Variants in CYTH1 observed in about 807,000 individuals in gnomAD.
The protein encoded by CYTH1 is cytohesin 1, also known as cytohesin-1.
CYTH1 carries 18 observed loss-of-function variants against 61.8 expected under a neutral mutation model. The observed-to-expected ratio is 0.29, with a 90% CI of 0.20 to 0.43. The LOEUF is 0.43. CYTH1 is among the 20% of genes least tolerant of loss of function. CYTH1 has a pLI of 1.00. For synonymous variants in CYTH1, 174 were observed against 184.3 expected (o/e 0.94, Z 0.45); for missense variants, 336 against 510.5 (o/e 0.66, Z 3.29).
chr17:78,733,992 G>A (rs1296421185), intron 1 of CYTH1, among the ~76,000 whole-genome samples: 1 of 152,214 alleles, frequency 6.6e-6, no homozygotes. Flanking sequence ...GTTCACGCCT[G>A]TAATCCCAGC....
chr17:78,688,762 C>T (rs780518120), intron 11 of CYTH1, among the ~76,000 whole-genome samples: 8 of 152,168 alleles, frequency 5.3e-5, no homozygotes, highest in South Asian at 2.1e-4. Flanking sequence ...GGTCTCCATG[C>T]GGTGAGGCAG....
At chr17:78,701,133 C>T (rs1050677452) in intron 6 of CYTH1, among the ~76,000 whole-genome samples, 20 of 152,096 alleles carry the variant, frequency 1.3e-4, no homozygotes, top group Admixed American at 1.0e-3. Flanking sequence ...CATTAACAAT[C>T]GATCCCTTTA....
intron 10 of CYTH1, 37 bp from the exon 11 acceptor site, chr17:78,692,530 C>A: frequency 6.2e-7 from 1 of 1,605,270 alleles, no homozygotes; most frequent in East Asian, 2.2e-5. Flanking sequence ...CGACAAGAGA[C>A]AACCAGACAA....
intron 1 of CYTH1, among the ~76,000 whole-genome samples, chr17:78,734,432 C>CTTTTTTT (rs10557033): frequency 1.6e-5 from 1 of 62,720 alleles, no homozygotes; most frequent in Non-Finnish European, 2.8e-5. Context: ...TAAAAAAAAG[C>CTTTTTTT]TTTTTTTTTT....
intron 13 of CYTH1, among the ~76,000 whole-genome samples, chr17:78,678,689 C>T (rs769346825): frequency 7.2e-5 from 11 of 152,304 alleles, no homozygotes; most frequent in Non-Finnish European, 1.0e-4. Flanking sequence ...CGTGGCACCG[C>T]GTCTGCTCAA....
chr17:78,752,368 T>C (rs1007424253), intron 1 of CYTH1, among the ~76,000 whole-genome samples: 9 of 152,206 alleles, frequency 5.9e-5, no homozygotes, highest in African/African-American at 2.2e-4. Context: ...GTAAAATCTC[T>C]ACTATCAATA....
At chr17:78,705,893 A>G (rs750658296) in intron 3 of CYTH1, among the ~76,000 whole-genome samples, 1 of 152,130 alleles carries the variant, frequency 6.6e-6, no homozygotes, top group Non-Finnish European at 1.5e-5. Context: ...TTGCTGTTCT[A>G]TGGTAACTGA....
chr17:78,694,984 C>T (rs555906946), intron 10 of CYTH1, among the ~76,000 whole-genome samples: 49 of 152,286 alleles, frequency 3.2e-4, no homozygotes, highest in African/African-American at 1.1e-3. Context: ...TCCCACTGCA[C>T]GGCTCCTCAG....
At position 78,755,491 on chromosome 17, in the gene CYTH1, T is replaced by TAAAAAAAAA. The variant is rs3073742; in HGVS notation, c.22+26702_22+26710dup. 3.1e-5 allele frequency among the ~76,000 whole-genome samples: 4 copies of TAAAAAAAAA among 129,844 alleles called. 1 individual carries two copies. The highest frequency in any genetic ancestry group is 4.7e-5 in the Non-Finnish European group (3 of 64,004). 85.2% of individuals were successfully genotyped at this position (129,844 alleles called of 152,430 possible). On this transcript the variant is annotated intron_variant, in intron 1 of 13. Coordinates refer to ENST00000446868, the MANE Select transcript of CYTH1 (RefSeq NM_004762.6). ...GTATGATGTTGGCAGTGGGTTTATT[T>TAAAAAAAAA]AAAAAAAAAAAAAAGGAAAGAAAGC...
At chr17:78,678,988 T>C (rs2092729998) in intron 13 of CYTH1, among the ~76,000 whole-genome samples, 3 of 152,248 alleles carry the variant, frequency 2.0e-5, no homozygotes, top group Admixed American at 6.5e-5. Flanking sequence ...AGATTACTTT[T>C]GAGAGGATAA....
intron 1 of CYTH1, among the ~76,000 whole-genome samples, chr17:78,714,618 G>A (rs1369438023): frequency 6.6e-6 from 1 of 151,954 alleles, no homozygotes; most frequent in East Asian, 1.9e-4. Context: ...GGTGTCCAGG[G>A]TAAAGCCTCC....
At chr17:78,778,474 C>T (rs976582443) in intron 1 of CYTH1, among the ~76,000 whole-genome samples, 1 of 150,992 alleles carries the variant, frequency 6.6e-6, no homozygotes, top group Non-Finnish European at 1.5e-5. Context: ...CCCATTTCTA[C>T]TAAAAACACA....
At chr17:78,698,193 GCACGCA>G (rs2092965487) in intron 9 of CYTH1, 70 bp downstream of exon 9, 1 of 1,198,358 alleles carries the variant, frequency 8.3e-7, no homozygotes, top group African/African-American at 1.5e-5. Flanking sequence ...ACACACGCAC[GCACGCA>G]CACACGCACA....
intron 11 of CYTH1, among the ~76,000 whole-genome samples, chr17:78,687,592 G>A (rs771734441): frequency 3.3e-4 from 50 of 152,262 alleles, no homozygotes; most frequent in Middle Eastern, 3.4e-3. Context: ...TCTTCTGAAA[G>A]CTGAGGCGCT....
chr17:78,680,366 G>A (rs2092747274), intron 12 of CYTH1, 22 bp from the exon 13 acceptor site: 1 of 1,600,386 alleles, frequency 6.2e-7, no homozygotes, highest in Admixed American at 1.7e-5. Context: ...AACAGAGAGG[G>A]AGAGAGTGGA....
At chr17:78,712,902 T>C (rs991513123) in intron 1 of CYTH1, among the ~76,000 whole-genome samples, 32 of 151,810 alleles carry the variant, frequency 2.1e-4, no homozygotes, top group Non-Finnish European at 3.2e-4. Context: ...GGTGTGTGTA[T>C]TGGAGGACGG....
intron 7 of CYTH1, 75 bp from the exon 8 acceptor site, chr17:78,699,043 G>A: frequency 6.5e-7 from 1 of 1,538,516 alleles, no homozygotes; most frequent in South Asian, 1.2e-5. Context: ...GCAAGAGCAA[G>A]AGTGGTATCA....
At chr17:78,776,448 G>A (rs1194752702) in intron 1 of CYTH1, among the ~76,000 whole-genome samples, 3 of 151,964 alleles carry the variant, frequency 2.0e-5, no homozygotes, top group African/African-American at 4.8e-5. Context: ...TTTGAGGTCA[G>A]GAGTTCGAGA....
chr17:78,704,046 T>C (rs2093040379), intron 3 of CYTH1, among the ~76,000 whole-genome samples: 1 of 152,198 alleles, frequency 6.6e-6, no homozygotes, highest in East Asian at 1.9e-4. Context: ...GAATGAAAAA[T>C]GCAGATTCAC....
Sources: gnomAD v4.1 joint callset for allele counts (sites outside exome capture counted in the v4.1 genomes callset) on GRCh38, gnomAD v4.1.1 for gene constraint, MANE v1.5 for transcripts, NCBI Gene and HGNC (gene_info 2026-07-23, HGNC 2026-07-21) for gene names.